The following TOB2 variants were observed in gnomAD, a reference collection of about 807,000 sequenced individuals.
The protein encoded by TOB2 is transducer of ERBB2, 2, also known as protein Tob2.
Under a neutral mutation model 17.3 loss-of-function variants are expected in TOB2, and 3 were observed. The observed-to-expected ratio is 0.17, with a 90% CI of 0.08 to 0.45. The LOEUF is 0.45. Among genes scored for constraint, TOB2 ranks in the 20% least tolerant of loss-of-function variants. The pLI, the probability that TOB2 is intolerant of heterozygous loss-of-function variation, is 0.99. For missense variants in TOB2, 407 were observed against 445.7 expected (o/e 0.91, Z 0.78); for synonymous variants, 163 against 185.6 (o/e 0.88, Z 0.99).
In TOB2 at chr22:41,436,500, G is replaced by A. The variant is rs771736739; in HGVS notation, c.846C>T (p.Thr282=). The change falls in exon 2 of 2, where the codon ACC becomes ACT. Residue 282 remains threonine, a synonymous_variant. Coordinates refer to ENST00000327492, the MANE Select transcript of TOB2 (RefSeq NM_016272.4). The surrounding 1 kb of genome is among the most constrained non-coding windows in gnomAD (Gnocchi z 4.8). ...CCCCACTGCCTCCAAACGGGCCTGG[G>A]GTGCCGCTGCCCTGGCCATCGGCCG... ...FDAADGQGSG[T]PGPFGGSGAG... is the part of the protein sequence containing the mutation. 1 of 1,613,662 alleles carries A rather than the reference G, an allele frequency of 6.2e-7. No homozygotes were observed. The highest frequency in any genetic ancestry group is 1.1e-5 in the South Asian group (1 of 91,048).
Position 41,435,352 on chromosome 22 carries a change from G to A in TOB2, c.*959C>T, listed in dbSNP as rs938527500. On this transcript the variant is annotated 3_prime_UTR_variant, in exon 2 of 2. Transcript: ENST00000327492. The stretch of plus-strand genomic sequence containing the variant: ...CCACCACACACACTGCCCTGCAAAA[G>A]GACTGCCAATACCCCCAGCCCATTC... The A allele has an allele frequency of 2.0e-5, 3 of 152,190 alleles. No individual in the cohort carries two copies. The highest frequency in any genetic ancestry group is 2.0e-4 in the Admixed American group (3 of 15,264). The allele number at this position is 152,190 out of a possible 1,614,324, so 9.4% of individuals were successfully genotyped here. A position where few individuals can be genotyped will look rare whatever the true frequency, so the allele number is the denominator to read the frequency against.
At position 41,434,619 on chromosome 22, in the gene TOB2, A is replaced by C. The variant is rs2037525353; in HGVS notation, c.*1692T>G. 1 of 152,628 alleles carries C rather than the reference A, an allele frequency of 6.6e-6. No homozygotes were observed. Among genetic ancestry groups the C allele is most frequent in the Non-Finnish European group, 1.5e-5 (1 of 68,110 alleles). The allele number at this position is 152,628 out of a possible 1,614,324, so 9.5% of individuals were successfully genotyped here. Reference sequence around the variant, plus strand: ...CCTGGGCTGGACCCACTGCCATAACAGTTGCCTACTTGGGGTCCCTGGGTA... The same window carrying C: ...CCTGGGCTGGACCCACTGCCATAACCGTTGCCTACTTGGGGTCCCTGGGTA... On this transcript the variant is annotated 3_prime_UTR_variant, in exon 2 of 2. Coordinates refer to ENST00000327492, the MANE Select transcript of TOB2 (RefSeq NM_016272.4).
At chr22:41,442,262 AC>A (rs1242155358) in intron 1 of TOB2, among the ~76,000 whole-genome samples, 1 of 152,154 alleles carries the variant, frequency 6.6e-6, no homozygotes, top group Non-Finnish European at 1.5e-5. Context: ...CTTAAAATGC[AC>A]CTCTTGGTAT....
intron 1 of TOB2, among the ~76,000 whole-genome samples, chr22:41,445,182 G>T (rs2037669130): frequency 1.3e-5 from 2 of 152,326 alleles, no homozygotes; most frequent in South Asian, 4.1e-4. Context: ...ATAGGAAAAG[G>T]TTCCCAGGCA....
At position 41,437,082 on chromosome 22, in the gene TOB2, C is replaced by T. The variant is rs142728022; in HGVS notation, c.264G>A (p.Glu88=). 289 of 1,614,166 alleles carry T rather than the reference C, an allele frequency of 1.8e-4. No individual in the cohort carries two copies. The African/African-American group carries it at 3.4e-3, about 19-fold the overall frequency. The change falls in exon 2 of 2, where the codon GAG becomes GAA. Residue 88 remains glutamate, a synonymous_variant. Coordinates refer to ENST00000327492, the MANE Select transcript of TOB2 (RefSeq NM_016272.4). ...AVEDVRANVP[E]ELSVWIDPFE... ...AGGGATCAATCCAGACACTCAGCTC[C>T]TCAGGCACATTGGCCCGCACATCTT...
In TOB2 at chr22:41,436,469, T is replaced by C; in HGVS notation, c.877A>G (p.Thr293Ala). The C allele has an allele frequency of 3.1e-6, 5 of 1,614,166 alleles. No homozygotes were observed. The highest frequency in any genetic ancestry group is 4.2e-6 in the Non-Finnish European group (5 of 1,180,004). The change falls in exon 2 of 2, where the codon ACC becomes GCC. Residue 293 changes from threonine (T) to alanine (A), a missense_variant. Thr to Ala is a moderately conservative substitution (Grantham distance 58, BLOSUM62 0). Coordinates refer to ENST00000327492, the MANE Select transcript of TOB2 (RefSeq NM_016272.4). This position sits in a 1 kb window ranked among gnomAD's most constrained non-coding sequence, Gnocchi z 4.8. ...PGPFGGSGAG[T>A]CNSSSFDMAQ... ...ATGTCAAAGCTGCTGCTGTTGCAGG[T>C]GCCAGCCCCACTGCCTCCAAACGGG... is the stretch of plus-strand genomic sequence containing the variant.
Position 41,436,202 on chromosome 22 carries a change from GAGA to G in TOB2, c.*106_*108del. On this transcript the variant is annotated 3_prime_UTR_variant, in exon 2 of 2. Coordinates refer to ENST00000327492, the MANE Select transcript of TOB2 (RefSeq NM_016272.4). This position sits in a 1 kb window ranked among gnomAD's most constrained non-coding sequence, Gnocchi z 4.8. ...GGATCTTTTTTCTAGAAGTAAGAGTGAGAAGATCGAAAATCTTTTTGTACATTT... is the reference window on the plus strand; with the variant it reads ...GGATCTTTTTTCTAGAAGTAAGAGTGAGATCGAAAATCTTTTTGTACATTT... The G allele has an allele frequency of 7.3e-7, 1 of 1,371,148 alleles. No individual in the cohort carries two copies. 84.9% of individuals were successfully genotyped at this position (1,371,148 alleles called of 1,614,324 possible).
Position 41,436,201 on chromosome 22 carries a change from T to C in TOB2, c.*110A>G, listed in dbSNP as rs2058223389. On this transcript the variant is annotated 3_prime_UTR_variant, in exon 2 of 2. Transcript: ENST00000327492. This position sits in a 1 kb window ranked among gnomAD's most constrained non-coding sequence, Gnocchi z 4.8. ...TGGATCTTTTTTCTAGAAGTAAGAG[T>C]GAGAAGATCGAAAATCTTTTTGTAC... 3 of 1,368,376 alleles carry C rather than the reference T, an allele frequency of 2.2e-6. No individual in the cohort carries two copies. The highest frequency in any genetic ancestry group is 2.9e-5 in the African/African-American group (2 of 68,538). 84.8% of individuals were successfully genotyped at this position (1,368,376 alleles called of 1,614,324 possible). A position where few individuals can be genotyped will look rare whatever the true frequency, so the allele number is the denominator to read the frequency against.
At chr22:41,439,886 T>C (rs1318625845) in intron 1 of TOB2, among the ~76,000 whole-genome samples, 2 of 152,116 alleles carry the variant, frequency 1.3e-5, no homozygotes, top group Admixed American at 6.6e-5. Context: ...GAAGACTCAC[T>C]GGGTCAATCT....
chr22:41,444,458 C>T (rs568919840), intron 1 of TOB2, among the ~76,000 whole-genome samples: 17 of 152,360 alleles, frequency 1.1e-4, no homozygotes, highest in African/African-American at 4.1e-4. Flanking sequence ...TGAGGGCCCG[C>T]TCTGCACTCT....
Position 41,436,258 on chromosome 22 carries a change from C to T in TOB2, c.*53G>A. 4.7e-6 allele frequency: 7 copies of T among 1,480,860 alleles called. No homozygotes were observed. The highest frequency in any genetic ancestry group is 2.9e-5 in the South Asian group (2 of 68,274). 91.7% of individuals were successfully genotyped at this position (1,480,860 alleles called of 1,614,324 possible). Reference sequence around the variant, plus strand: ...CTTTTCCTCTTTTTTTTGGCCTTTCCTTTCTCTTTTCTGTGGTCTTGGGTG... The same window carrying T: ...CTTTTCCTCTTTTTTTTGGCCTTTCTTTTCTCTTTTCTGTGGTCTTGGGTG... On this transcript the variant is annotated 3_prime_UTR_variant, in exon 2 of 2. Coordinates refer to ENST00000327492, the MANE Select transcript of TOB2 (RefSeq NM_016272.4). The surrounding 1 kb of genome is among the most constrained non-coding windows in gnomAD (Gnocchi z 4.8).
chr22:41,437,054 C>G lies in TOB2; in HGVS notation c.292G>C (p.Glu98Gln). ...TTCTCACCAATCTGGTAGGACACCT[C>G]AAAGGGATCAATCCAGACACTCAGC... ...EELSVWIDPF[E>Q]VSYQIGEKGA... Residue 98 changes from glutamate (E) to glutamine (Q), a missense_variant, in exon 2 of 2, where the codon GAG (glutamate) becomes CAG (glutamine). Transcript: ENST00000327492. The G allele has an allele frequency of 6.2e-7, 1 of 1,614,160 alleles. No homozygotes were observed. Among genetic ancestry groups the G allele is most frequent in the Non-Finnish European group, 8.5e-7 (1 of 1,180,044 alleles).
intron 1 of TOB2, among the ~76,000 whole-genome samples, chr22:41,444,499 C>T (rs932805309): frequency 4.6e-5 from 7 of 152,234 alleles, no homozygotes; most frequent in African/African-American, 1.7e-4. Flanking sequence ...ACCTCCGGAC[C>T]AGGCGATAGC....
At chr22:41,444,727 T>G (rs1462127733) in intron 1 of TOB2, among the ~76,000 whole-genome samples, 1 of 152,220 alleles carries the variant, frequency 6.6e-6, no homozygotes, top group Non-Finnish European at 1.5e-5. Context: ...CTCCCCGTAT[T>G]GTATGGCCCC....
At chr22:41,440,843 A>G (rs2146035427) in intron 1 of TOB2, among the ~76,000 whole-genome samples, 1 of 149,500 alleles carries the variant, frequency 6.7e-6, no homozygotes, top group East Asian at 2.0e-4. Flanking sequence ...GTAGGTTTAC[A>G]GGCCTGAGCC....
chr22:41,441,905 C>CAA (rs775654327), intron 1 of TOB2, among the ~76,000 whole-genome samples: 12 of 112,762 alleles, frequency 1.1e-4, no homozygotes, highest in African/African-American at 2.3e-4. Context: ...TGATTTTTCT[C>CAA]AAAAAAAAAA....
rs781742402 is a variant in TOB2 at position 41,436,555 on chromosome 22, C to T, written c.791G>A (p.Gly264Asp). ...AAAGAAGAGGCTGGGTGAGCCACCA[C>T]CGTTGTACACGAACTCCTTGGCATT... is the stretch of plus-strand genomic sequence containing the variant. ...SPNAKEFVYNGGGSPSLFFDA... is the reference protein window; with the variant it reads ...SPNAKEFVYNDGGSPSLFFDA... The change falls in exon 2 of 2, where the codon GGT (glycine) becomes GAT (aspartate). Residue 264 changes from glycine to aspartate, a missense_variant. Physicochemically the swap from Gly to Asp is moderately conservative, Grantham distance 94. Transcript: ENST00000327492. The surrounding 1 kb of genome is among the most constrained non-coding windows in gnomAD (Gnocchi z 4.8). The T allele has an allele frequency of 1.9e-6, 3 of 1,609,528 alleles. No individual in the cohort carries two copies. The highest frequency in any genetic ancestry group is 2.2e-5 in the East Asian group (1 of 44,756).
chr22:41,441,314 C>CA (rs57013095), intron 1 of TOB2, among the ~76,000 whole-genome samples: 102,716 of 140,918 alleles, frequency 0.73, 37,583 homozygotes, highest in East Asian at 0.92. Flanking sequence ...GACTCTACCT[C>CA]AAAAAAAAAA....
At chr22:41,444,051 T>C (rs2037651853) in intron 1 of TOB2, among the ~76,000 whole-genome samples, 1 of 152,184 alleles carries the variant, frequency 6.6e-6, no homozygotes, top group South Asian at 2.1e-4. Flanking sequence ...GTGCAAACTG[T>C]CCTACAATGA....
Sources: allele counts gnomAD v4.1 joint callset (sites outside exome capture counted in the v4.1 genomes callset), GRCh38; gene constraint gnomAD v4.1.1; non-coding constraint Gnocchi (gnomAD v3.1); transcripts MANE v1.5; gene names NCBI Gene and HGNC (gene_info 2026-07-23, HGNC 2026-07-21).